The following ZNF423 variants were observed in gnomAD, a reference collection of about 807,000 sequenced individuals.
The protein encoded by ZNF423 is zinc finger protein 423.
Under a neutral mutation model 95.8 loss-of-function variants are expected in ZNF423, and 12 were observed. The observed-to-expected ratio is 0.13, with a 90% confidence interval of 0.08 to 0.20. The LOEUF (loss-of-function observed/expected upper bound fraction) is 0.20. Ranked by LOEUF, ZNF423 falls within the 10% of genes least tolerant of loss-of-function variation. The pLI is 1.00. For missense variants in ZNF423, 1,316 were observed against 1,737.1 expected (o/e 0.76, Z 4.31); for synonymous variants, 749 against 711.9 (o/e 1.05, Z -0.83).
intron 1 of ZNF423, among the ~76,000 whole-genome samples, chr16:49,802,224 T>A (rs2034593630): frequency 6.6e-6 from 1 of 152,082 alleles, no homozygotes; most frequent in South Asian, 2.1e-4. Context: ...TTGAGTAGGA[T>A]CAGTCAACAT....
intron 5 of ZNF423, among the ~76,000 whole-genome samples, chr16:49,562,666 A>G (rs533919987): frequency 6.6e-6 from 1 of 152,378 alleles, no homozygotes; most frequent in South Asian, 2.1e-4. Flanking sequence ...AACGGATTCT[A>G]GAATCAGACC....
intron 5 of ZNF423, among the ~76,000 whole-genome samples, chr16:49,528,619 T>G (rs1418776757): frequency 6.6e-6 from 1 of 152,142 alleles, no homozygotes; most frequent in East Asian, 1.9e-4. Flanking sequence ...CCCGCAGAGC[T>G]GGGACTCGCT....
upstream of ZNF423, among the ~76,000 whole-genome samples, chr16:49,856,427 GA>G (rs550708499): frequency 0.27 from 32,832 of 121,502 alleles, 4,005 homozygotes; most frequent in African/African-American, 0.31. Context: ...TACCCCCCAG[GA>G]AAAAAAAAAA....
intron 1 of ZNF423, among the ~76,000 whole-genome samples, chr16:49,819,350 C>T (rs545171672): frequency 1.4e-4 from 21 of 151,830 alleles, no homozygotes; most frequent in African/African-American, 5.1e-4. Flanking sequence ...TTGGACAGTA[C>T]AGATATAGAA....
At chr16:49,596,079 G>A (rs1015630898) in intron 5 of ZNF423, among the ~76,000 whole-genome samples, 2 of 152,160 alleles carry the variant, frequency 1.3e-5, no homozygotes, top group African/African-American at 2.4e-5. Context: ...AACCTGGCAG[G>A]GGTGCAGTAT....
intron 3 of ZNF423, among the ~76,000 whole-genome samples, chr16:49,727,238 C>T (rs1004132776): frequency 9.9e-5 from 15 of 152,174 alleles, no homozygotes; most frequent in African/African-American, 3.4e-4. Flanking sequence ...CTCATGGGCC[C>T]GGCATGCCAC....
chr16:49,771,205 T>C (rs1395082447), intron 2 of ZNF423, among the ~76,000 whole-genome samples: 2 of 142,682 alleles, frequency 1.4e-5, no homozygotes, highest in Non-Finnish European at 3.1e-5. Flanking sequence ...TTTTTTTTTT[T>C]TTTTTTTGAG....
chr16:49,789,275 G>A (rs2034370059), intron 2 of ZNF423, among the ~76,000 whole-genome samples: 1 of 152,190 alleles, frequency 6.6e-6, no homozygotes, highest in Non-Finnish European at 1.5e-5. Context: ...GTGGCCCTCG[G>A]GAGAATAAGG....
At chr16:49,776,336 C>A (rs2034119269) in intron 2 of ZNF423, among the ~76,000 whole-genome samples, 1 of 152,312 alleles carries the variant, frequency 6.6e-6, no homozygotes, top group East Asian at 1.9e-4. Flanking sequence ...CGATGCCCTG[C>A]CCAGCTTCCT....
intron 2 of ZNF423, among the ~76,000 whole-genome samples, chr16:49,759,667 A>G (rs1328641678): frequency 6.6e-6 from 1 of 152,232 alleles, no homozygotes; most frequent in South Asian, 2.1e-4. Context: ...CACCCTCTGA[A>G]ACTTCCTGCT....
chr16:49,529,791 C>T (rs557882390), intron 5 of ZNF423, among the ~76,000 whole-genome samples: 36 of 152,198 alleles, frequency 2.4e-4, no homozygotes, highest in East Asian at 1.4e-3. Flanking sequence ...GAGGGAGGAG[C>T]GGCGGGCTGC....
chr16:49,733,677 G>A (rs943818248), intron 2 of ZNF423, among the ~76,000 whole-genome samples: 1 of 152,160 alleles, frequency 6.6e-6, no homozygotes, highest in African/African-American at 2.4e-5. Context: ...ACAAAGGCGC[G>A]GACCTCATCC....
At chr16:49,598,605 G>A (rs1375320239) in intron 5 of ZNF423, among the ~76,000 whole-genome samples, 1 of 152,232 alleles carries the variant, frequency 6.6e-6, no homozygotes, top group Non-Finnish European at 1.5e-5. Flanking sequence ...ACAAAACTGG[G>A]TAGGGCATTC....
chr16:49,588,540 G>T (rs904552578), intron 5 of ZNF423, among the ~76,000 whole-genome samples: 6 of 152,174 alleles, frequency 3.9e-5, no homozygotes, highest in Non-Finnish European at 7.3e-5. Flanking sequence ...ACCCAAGCTG[G>T]TCTCATCAGT....
chr16:49,776,341 C>T (rs947441378), intron 2 of ZNF423, among the ~76,000 whole-genome samples: 1 of 152,220 alleles, frequency 6.6e-6, no homozygotes, highest in Non-Finnish European at 1.5e-5. Flanking sequence ...CCCTGCCCAG[C>T]TTCCTGCCCC....
intron 3 of ZNF423, among the ~76,000 whole-genome samples, chr16:49,715,007 C>A (rs1402738128): frequency 6.6e-6 from 1 of 152,094 alleles, no homozygotes; most frequent in African/African-American, 2.4e-5. Flanking sequence ...CCCAAGAATT[C>A]CTGGTGTTCG....
At chr16:49,724,712 A>T (rs183131339) in intron 3 of ZNF423, among the ~76,000 whole-genome samples, 3 of 152,334 alleles carry the variant, frequency 2.0e-5, no homozygotes, top group Non-Finnish European at 4.4e-5. Context: ...ACAGCTGAAC[A>T]AACCAGGGTG....
intron 5 of ZNF423, among the ~76,000 whole-genome samples, chr16:49,544,398 C>A (rs1275942135): frequency 6.6e-6 from 1 of 152,294 alleles, no homozygotes; most frequent in Non-Finnish European, 1.5e-5. Flanking sequence ...TTTTAAAAAA[C>A]CCTCACGTCT....
intron 5 of ZNF423, among the ~76,000 whole-genome samples, chr16:49,568,446 C>G (rs1970260131): frequency 6.6e-6 from 1 of 152,264 alleles, no homozygotes; most frequent in East Asian, 1.9e-4. Context: ...GTGAGCCCTT[C>G]CCCTTGTTCC....
Sources: gnomAD v4.1 joint callset for allele counts (sites outside exome capture counted in the v4.1 genomes callset) on GRCh38, gnomAD v4.1.1 for gene constraint, MANE v1.5 for transcripts, NCBI Gene and HGNC (gene_info 2026-07-23, HGNC 2026-07-21) for gene names.